The following TRPV6 variants were observed in gnomAD, a reference collection of about 807,000 sequenced individuals.
The protein encoded by TRPV6 is transient receptor potential cation channel subfamily V member 6.
TRPV6 carries 39 observed loss-of-function variants against 79.0 expected under a neutral mutation model. That is an observed-to-expected ratio of 0.49 (90% confidence interval 0.38 to 0.64). The LOEUF (loss-of-function observed/expected upper bound fraction) is 0.64, where lower values mean the gene tolerates loss of function less well. Ranked by LOEUF, TRPV6 falls within the 30% of genes least tolerant of loss-of-function variation. The pLI is 0.00. For missense variants in TRPV6, 813 were observed against 1,011.1 expected (o/e 0.80, Z 2.66); for synonymous variants, 373 against 391.9 (o/e 0.95, Z 0.57).
Position 142,871,522 on chromosome 7 carries a change from C to G in TRPV6, c.*185G>C. On this transcript the variant is annotated 3_prime_UTR_variant, in exon 15 of 15. Transcript: ENST00000359396. The stretch of plus-strand genomic sequence containing the variant: ...TGCTTGGGCTGGGCTTCCTCTGCCC[C>G]AGAGCTGAAGGAGTAATGCAGGCCT... 2.7e-6 allele frequency: 2 copies of G among 748,076 alleles called. No individual in the cohort carries two copies. The highest frequency in any genetic ancestry group is 2.8e-5 in the East Asian group (1 of 35,796). 46.3% of individuals were successfully genotyped at this position (748,076 alleles called of 1,614,324 possible).
chr7:142,876,002 A>G, intron 6 of TRPV6, 98 bp from the exon 7 acceptor site: 1 of 1,370,868 alleles, frequency 7.3e-7, no homozygotes, highest in Non-Finnish European at 9.8e-7. Context: ...CCCCTGGAGA[A>G]GGTGGCTGCC....
In TRPV6 at chr7:142,871,672, G is replaced by C. The variant is rs1001748097; in HGVS notation, c.*35C>G. 6.5e-7 allele frequency: 1 copy of C among 1,548,546 alleles called. No individual in the cohort carries two copies. The highest frequency in any genetic ancestry group is 8.7e-7 in the Non-Finnish European group (1 of 1,145,202). On this transcript the variant is annotated 3_prime_UTR_variant, in exon 15 of 15. Coordinates refer to ENST00000359396, the MANE Select transcript of TRPV6 (RefSeq NM_018646.6). ...TTGTTTGATGCACCCAGGAAAATGA[G>C]AGCAAGTTCCAGGAAGCGAAGTGAG...
intron 3 of TRPV6, 168 bp from the exon 4 acceptor site, chr7:142,877,447 T>A (rs1795099918): frequency 6.8e-7 from 1 of 1,460,892 alleles, no homozygotes; most frequent in Non-Finnish European, 9.1e-7. Context: ...CATCTCTTCC[T>A]CTTCTCTAGG....
chr7:142,871,812 G>A lies in TRPV6; in HGVS notation c.2193C>T (p.Ser731=). The A allele has an allele frequency of 6.2e-7, 1 of 1,614,218 alleles. No individual in the cohort carries two copies. Among genetic ancestry groups the A allele is most frequent in the South Asian group, 1.1e-5 (1 of 91,078 alleles). ...GCCGAAGCCTTTCCCAATTGGCACT[G>A]CTGCGGGAGGTACTTCGAGACACTG... Residue 731 remains serine (S), a synonymous_variant, in exon 15 of 15, where the codon AGC becomes AGT. Transcript: ENST00000359396.
Position 142,878,276 on chromosome 7 carries a change from G to A in TRPV6, c.249-250C>T, listed in dbSNP as rs1319793245. 15 of 558,288 alleles carry A rather than the reference G, an allele frequency of 2.7e-5. No individual in the cohort carries two copies. The East Asian group carries it at 4.5e-4, about 17-fold the overall frequency. The allele number at this position is 558,288 out of a possible 1,614,324, so 34.6% of individuals were successfully genotyped here. On this transcript the variant is annotated intron_variant, in intron 1 of 14. Coordinates refer to ENST00000359396, the MANE Select transcript of TRPV6 (RefSeq NM_018646.6). ...TGACTGGTTTCCTTCCCCCCTACCG[G>A]GTCCTGGGACCAGAATGTATCATGT...
In TRPV6 at chr7:142,873,157, G is replaced by A. The variant is rs1794981072; in HGVS notation, c.1908+291C>T. 6.6e-6 allele frequency among the ~76,000 whole-genome samples: 1 copy of A among 152,188 alleles called. No individual in the cohort carries two copies. Among genetic ancestry groups the A allele is most frequent in the Non-Finnish European group, 1.5e-5 (1 of 68,046 alleles). On this transcript the variant is annotated intron_variant, in intron 13 of 14. Transcript: ENST00000359396. This position sits in a 1 kb window ranked among gnomAD's most constrained non-coding sequence, Gnocchi z 4.8. ...TTTATTTGGGAACAAAATGTACTGAGTGCAATTTTAGCCAACGTTAATTTT... is the reference window on the plus strand; with the variant it reads ...TTTATTTGGGAACAAAATGTACTGAATGCAATTTTAGCCAACGTTAATTTT...
chr7:142,882,757 A>G (rs1046400982), intron 1 of TRPV6: 1 of 152,232 alleles, frequency 6.6e-6, no homozygotes, highest in Non-Finnish European at 1.5e-5. Context: ...AGCGTGCACA[A>G]TATACCAGAG....
chr7:142,875,436 G>T, intron 8 of TRPV6, 32 bp downstream of exon 8: 1 of 1,534,832 alleles, frequency 6.5e-7, no homozygotes, highest in Non-Finnish European at 8.7e-7. Context: ...GCCAAGTCCT[G>T]CCCTGCTGAT....
chr7:142,884,566 T>C (rs1302660262), intron 1 of TRPV6: 2 of 152,286 alleles, frequency 1.3e-5, no homozygotes, highest in African/African-American at 4.8e-5. Context: ...GCTCCTCTCC[T>C]GCTCTGTACT....
Position 142,876,392 on chromosome 7 carries a change from G to C in TRPV6, c.882+16C>G. On this transcript the variant is annotated intron_variant, in intron 6 of 14. Transcript: ENST00000359396. ...GTCATTAGAAAGACACCTCAGGGATGGGGACCGTCTCTCACCACAGTGTTA... is the reference window on the plus strand; with the variant it reads ...GTCATTAGAAAGACACCTCAGGGATCGGGACCGTCTCTCACCACAGTGTTA... 1 of 1,610,500 alleles carries C rather than the reference G, an allele frequency of 6.2e-7. No homozygotes were observed. The highest frequency in any genetic ancestry group is 8.5e-7 in the Non-Finnish European group (1 of 1,178,236).
chr7:142,876,645 AC>A, intron 5 of TRPV6, 62 bp from the exon 6 acceptor site: 1 of 1,612,082 alleles, frequency 6.2e-7, no homozygotes, highest in Non-Finnish European at 8.5e-7. Flanking sequence ...CCCCATCCCC[AC>A]CCTGAGGTCT....
At position 142,873,019 on chromosome 7, in the gene TRPV6, A is replaced by T. The variant is rs896210780; in HGVS notation, c.1908+429T>A. 6.6e-6 allele frequency among the ~76,000 whole-genome samples: 1 copy of T among 152,202 alleles called. No individual in the cohort carries two copies. The highest frequency in any genetic ancestry group is 2.4e-5 in the African/African-American group (1 of 41,444). ...CCCTATCTTGAAGATCTGGCTGAAG[A>T]TAGCTTCTGCTACTATAGGAAGTTT... On this transcript the variant is annotated intron_variant, in intron 13 of 14. Coordinates refer to ENST00000359396, the MANE Select transcript of TRPV6 (RefSeq NM_018646.6). The surrounding 1 kb of genome is among the most constrained non-coding windows in gnomAD (Gnocchi z 4.8).
chr7:142,874,256 G>A, intron 11 of TRPV6, 114 bp from the exon 12 acceptor site: 1 of 1,295,390 alleles, frequency 7.7e-7, no homozygotes, highest in East Asian at 2.5e-5. Context: ...TCTGGGACAG[G>A]GATTGGCTAT....
rs201887033 is a variant in TRPV6 at position 142,872,406 on chromosome 7, G to A, written c.1981C>T (p.Arg661Trp). The A allele has an allele frequency of 4.1e-4, 656 of 1,614,184 alleles. 8 individuals are homozygous for A. The South Asian group carries it at 6.2e-3, about 15-fold the overall frequency. The change falls in exon 14 of 15, where the codon CGG (arginine) becomes TGG (tryptophan). Residue 661 changes from arginine to tryptophan, a missense_variant. By Grantham distance (101) the Arg-to-Trp change is moderately radical (BLOSUM62 -3). Around this residue, in one of 3 missense-constraint regions of TRPV6, gnomAD observed 164 missense variants for 186.1 expected, o/e 0.88. Transcript: ENST00000359396. ...CAGCGGTCTCCCAGGCCATACTCCC[G>A]TCCGCAGATCCCGGAGCGAGGCCAC...
chr7:142,874,005 C>T, intron 12 of TRPV6, 71 bp downstream of exon 12: 1 of 1,537,390 alleles, frequency 6.5e-7, no homozygotes, highest in Non-Finnish European at 8.9e-7. Context: ...CCAAGTTTAG[C>T]CAGAGCCAGT....
In TRPV6 at chr7:142,874,723, A is replaced by G. The variant is rs80336983; in HGVS notation, c.1407-67T>C. On this transcript the variant is annotated intron_variant, in intron 10 of 14. Coordinates refer to ENST00000359396, the MANE Select transcript of TRPV6 (RefSeq NM_018646.6). ...TGATCCTGGGGACCTGACAGCAAGA[A>G]TGTAGCTGGGAAAGTACCCACACAT... 7 of 1,579,900 alleles carry G rather than the reference A, an allele frequency of 4.4e-6. No homozygotes were observed. The East Asian group carries it at 1.6e-4, about 36-fold the overall frequency.
intron 1 of TRPV6, chr7:142,881,275 G>C (rs1377726579): frequency 1.3e-5 from 2 of 152,008 alleles, no homozygotes; most frequent in African/African-American, 4.8e-5. Context: ...CACAACACGG[G>C]GGTCAAAGGC....
chr7:142,871,797 T>C lies in TRPV6; in HGVS notation c.2208A>G (p.Glu736=). Residue 736 remains glutamate, a synonymous_variant, in exon 15 of 15, where the codon GAA becomes GAG. Coordinates refer to ENST00000359396, the MANE Select transcript of TRPV6 (RefSeq NM_018646.6). ...TCCTCAGGGTCCCTTGCCGAAGCCTTTCCCAATTGGCACTGCTGCGGGAGG... is the reference window on the plus strand; with the variant it reads ...TCCTCAGGGTCCCTTGCCGAAGCCTCTCCCAATTGGCACTGCTGCGGGAGG... 6.2e-7 allele frequency: 1 copy of C among 1,614,196 alleles called. No homozygotes were observed. The highest frequency in any genetic ancestry group is 1.1e-5 in the South Asian group (1 of 91,088).
At position 142,874,339 on chromosome 7, in the gene TRPV6, T is replaced by A. The variant is rs917838824; in HGVS notation, c.1572+152A>T. 2.4e-6 allele frequency: 3 copies of A among 1,260,658 alleles called. No individual in the cohort carries two copies. The African/African-American group carries it at 4.5e-5, about 19-fold the overall frequency. The allele number at this position is 1,260,658 out of a possible 1,614,324, so 78.1% of individuals were successfully genotyped here. On this transcript the variant is annotated intron_variant, in intron 11 of 14. Transcript: ENST00000359396. ...TGAACTGAAAAGGGTTTCTACATTT[T>A]TTAAAAGGATTGTTAAAAAAGAAGA...
Sources: allele counts gnomAD v4.1 joint callset (sites outside exome capture counted in the v4.1 genomes callset), GRCh38; gene constraint gnomAD v4.1.1; regional missense constraint gnomAD v4.1.1; non-coding constraint Gnocchi (gnomAD v3.1); transcripts MANE v1.5; gene names NCBI Gene and HGNC (gene_info 2026-07-23, HGNC 2026-07-21).